The following FAT4 variants were observed in gnomAD, a reference collection of about 807,000 sequenced individuals.
The protein encoded by FAT4 is protocadherin Fat 4.
A neutral mutation model predicts 303.9 loss-of-function variants in FAT4; 84 were observed. That is an observed-to-expected ratio of 0.28 (90% CI 0.23 to 0.33). The LOEUF is 0.33. FAT4 is among the 10% of genes least tolerant of loss of function. FAT4 has a pLI of 1.00. For missense variants in FAT4, 6,005 were observed against 6,146.8 expected, an observed-to-expected ratio of 0.98 and a Z score of 0.77; for synonymous variants, 2,307 against 2,298.8, an observed-to-expected ratio of 1.00 and a Z score of -0.10.
chr4:125,374,510 C>T (rs1733242435), intron 2 of FAT4, among the ~76,000 whole-genome samples: 1 of 152,122 alleles, frequency 6.6e-6, no homozygotes, highest in South Asian at 2.1e-4. Context: ...GGATTCACGT[C>T]CTTATTCTAC....
rs758152796 is a variant in FAT4 at position 125,452,527 on chromosome 4, C to T, written c.11517C>T (p.Ile3839=). ...LKSRESLPVI[I]VANEPLQPFL... is the part of the protein sequence containing the mutation. ...GCCGTGAGAGTCTTCCAGTCATCAT[C>T]GTGGCAAATGAACCTCTGCAGCCTT... Residue 3839 remains isoleucine (I), a synonymous_variant, in exon 10 of 18, where the codon ATC becomes ATT. Transcript: ENST00000394329. The T allele has an allele frequency of 2.7e-5, 43 of 1,613,918 alleles. No homozygotes were observed. Among genetic ancestry groups the T allele is most frequent in the Non-Finnish European group, 3.6e-5 (42 of 1,180,012 alleles).
At chr4:125,409,693 A>G (rs1388041237) in intron 5 of FAT4, among the ~76,000 whole-genome samples, 1 of 152,230 alleles carries the variant, frequency 6.6e-6, no homozygotes, top group African/African-American at 2.4e-5. Context: ...TTGCAAAAGC[A>G]ATTGGCAAAC....
intron 10 of FAT4, among the ~76,000 whole-genome samples, chr4:125,454,979 CG>C (rs901191947): frequency 1.3e-5 from 2 of 151,912 alleles, no homozygotes; most frequent in Non-Finnish European, 2.9e-5. Flanking sequence ...ACCTGTGTAG[CG>C]GAAGTTAACT....
rs1053728254 is a variant in FAT4, at chr4:125,492,320, G to A, written c.*552G>A. On this transcript the variant is annotated 3_prime_UTR_variant, in exon 18 of 18. Coordinates refer to ENST00000394329, the MANE Select transcript of FAT4 (RefSeq NM_001291303.3). ...GTATTTGAGTAAGTTTTACATGACA[G>A]TGGGTACTGAAATTAAGTCATTTTG... 8.5e-5 allele frequency: 13 copies of A among 152,888 alleles called. No homozygotes were observed. The highest frequency in any genetic ancestry group is 2.9e-4 in the African/African-American group (12 of 41,444). 9.5% of individuals were successfully genotyped at this position (152,888 alleles called of 1,614,324 possible).
At chr4:125,431,784 T>C (rs1238146947) in intron 7 of FAT4, among the ~76,000 whole-genome samples, 1 of 152,104 alleles carries the variant, frequency 6.6e-6, no homozygotes, top group East Asian at 1.9e-4. Flanking sequence ...ATGTATCCCC[T>C]CTTTCAGTTT....
At chr4:125,423,474 C>A (rs1321176287) in intron 7 of FAT4, among the ~76,000 whole-genome samples, 1 of 152,178 alleles carries the variant, frequency 6.6e-6, no homozygotes. Flanking sequence ...TGGTGTTGAG[C>A]CTGCAGGTGC....
rs1360965728 is a variant in FAT4, at chr4:125,398,890, A to G, written c.5282A>G (p.Gln1761Arg). 6.2e-7 allele frequency: 1 copy of G among 1,613,170 alleles called. No individual in the cohort carries two copies. The highest frequency in any genetic ancestry group is 8.5e-7 in the Non-Finnish European group (1 of 1,179,408). ...ENIGDGSKIM[Q>R]LTAMDADEGA... ...ATTGGAGATGGCTCTAAGATTATGC[A>G]GCTGACAGCCATGGATGCTGATGAG... Residue 1761 changes from glutamine to arginine, a missense_variant, in exon 3 of 18, where the codon CAG (glutamine) becomes CGG (arginine). Physicochemically the swap from Gln to Arg is conservative, Grantham distance 43. Coordinates refer to ENST00000394329, the MANE Select transcript of FAT4 (RefSeq NM_001291303.3).
intron 2 of FAT4, among the ~76,000 whole-genome samples, chr4:125,382,813 T>G (rs1327240241): frequency 6.6e-6 from 1 of 152,220 alleles, no homozygotes; most frequent in East Asian, 1.9e-4. Flanking sequence ...CTTTATCAAT[T>G]ATCTTTGCTA....
chr4:125,318,414 C>A lies in FAT4; in HGVS notation c.2003C>A (p.Pro668His). 6.2e-7 allele frequency: 1 copy of A among 1,614,174 alleles called. No homozygotes were observed. The highest frequency in any genetic ancestry group is 8.5e-7 in the Non-Finnish European group (1 of 1,180,042). ...LVLATDLGSP[P>H]QSSMARINVS... ...CTGGCCACAGATCTGGGCTCCCCTC[C>A]CCAGTCATCAATGGCTCGCATAAAT... Residue 668 changes from proline (P) to histidine (H), a missense_variant, in exon 2 of 18, where the codon CCC becomes CAC. Physicochemically the swap from Pro to His is moderately conservative, Grantham distance 77. Coordinates refer to ENST00000394329, the MANE Select transcript of FAT4 (RefSeq NM_001291303.3).
rs1256318177 is a variant in FAT4 at position 125,446,839 on chromosome 4, A to G, written c.7450+296A>G. 3.3e-5 allele frequency among the ~76,000 whole-genome samples: 5 copies of G among 151,894 alleles called. No individual in the cohort carries two copies. In the East Asian group the frequency reaches 9.7e-4, roughly 29 times the overall value. On this transcript the variant is annotated intron_variant, in intron 9 of 17. Transcript: ENST00000394329. ...CATATATATTACATCATCGTTAATG[A>G]TGTTTATGGCCTGAGGTATAACTTT...
chr4:125,419,027 T>C (rs988247678), intron 7 of FAT4, among the ~76,000 whole-genome samples: 1 of 152,208 alleles, frequency 6.6e-6, no homozygotes, highest in African/African-American at 2.4e-5. Flanking sequence ...GTTAAATACA[T>C]AGACTTTATA....
chr4:125,369,208 A>G (rs1013680432), intron 2 of FAT4, among the ~76,000 whole-genome samples: 1 of 152,208 alleles, frequency 6.6e-6, no homozygotes, highest in African/African-American at 2.4e-5. Flanking sequence ...AATAACATAA[A>G]ATCAGCAGAC....
intron 2 of FAT4, among the ~76,000 whole-genome samples, chr4:125,374,246 G>A (rs2125993874): frequency 6.6e-6 from 1 of 152,212 alleles, no homozygotes; most frequent in South Asian, 2.1e-4. Flanking sequence ...CGTTGTAAAA[G>A]GAAACTGAGT....
At chr4:125,470,326 C>T (rs928622181) in intron 12 of FAT4, among the ~76,000 whole-genome samples, 1 of 152,164 alleles carries the variant, frequency 6.6e-6, no homozygotes, top group African/African-American at 2.4e-5. Flanking sequence ...GTTTCAATTT[C>T]AAGACACCAG....
intron 2 of FAT4, among the ~76,000 whole-genome samples, chr4:125,351,383 T>C (rs2125978250): frequency 6.6e-6 from 1 of 151,884 alleles, no homozygotes; most frequent in Non-Finnish European, 1.5e-5. Context: ...TACAGAATTG[T>C]TAGTCATAAA....
intron 15 of FAT4, 121 bp from the exon 16 acceptor site, chr4:125,481,400 G>A: frequency 6.8e-6 from 5 of 736,494 alleles, no homozygotes; most frequent in Non-Finnish European, 1.1e-5. Context: ...GTAGAGTTGG[G>A]GGACATTAAT....
At chr4:125,476,494 C>CAGTA (rs1463803471) in intron 13 of FAT4, among the ~76,000 whole-genome samples, 1 of 151,918 alleles carries the variant, frequency 6.6e-6, no homozygotes, top group Non-Finnish European at 1.5e-5. Context: ...TAAATATAGC[C>CAGTA]AGTAGTCTTT....
intron 2 of FAT4, among the ~76,000 whole-genome samples, chr4:125,328,576 G>T (rs1313404757): frequency 6.6e-6 from 1 of 152,270 alleles, no homozygotes; most frequent in Non-Finnish European, 1.5e-5. Context: ...GGAGCAAGTG[G>T]CATTTTTGAT....
At chr4:125,421,596 G>A (rs574147218) in intron 7 of FAT4, among the ~76,000 whole-genome samples, 92 of 152,304 alleles carry the variant, frequency 6.0e-4, no homozygotes, top group African/African-American at 2.2e-3. Context: ...CGAGAAAGCA[G>A]TAAAACAAAC....
Sources: allele counts gnomAD v4.1 joint callset (sites outside exome capture counted in the v4.1 genomes callset), GRCh38; gene constraint gnomAD v4.1.1; transcripts MANE v1.5; gene names NCBI Gene and HGNC (gene_info 2026-07-23, HGNC 2026-07-21).